Variants in RBKS observed in about 807,000 individuals in gnomAD.
The protein encoded by RBKS is ribokinase.
RBKS carries 33 observed loss-of-function variants against 33.9 expected under a neutral mutation model. The observed-to-expected ratio is 0.97, with a 90% CI of 0.74 to 1.30. The LOEUF is 1.30. Among genes scored for constraint, RBKS ranks in the 50% most tolerant of loss-of-function variants. The pLI is 0.00. For missense variants in RBKS, 361 were observed against 392.6 expected (o/e 0.92, Z 0.68); for synonymous variants, 125 against 143.0 (o/e 0.87, Z 0.90).
intron 7 of RBKS, among the ~76,000 whole-genome samples, chr2:27,785,677 G>A (rs1677384060): frequency 6.6e-6 from 1 of 151,494 alleles, no homozygotes; most frequent in Non-Finnish European, 1.5e-5. Context: ...GCAGAGAACT[G>A]CTTAAACCTG....
chr2:27,885,159 G>A (rs1420382237), intron 1 of RBKS, among the ~76,000 whole-genome samples: 5 of 151,944 alleles, frequency 3.3e-5, no homozygotes, highest in African/African-American at 7.3e-5. Context: ...AATCTTCTGC[G>A]TTTTCATAGA....
chr2:27,801,344 C>T (rs1677776264), intron 7 of RBKS, among the ~76,000 whole-genome samples: 1 of 152,026 alleles, frequency 6.6e-6, no homozygotes, highest in African/African-American at 2.4e-5. Context: ...TCATTTCATC[C>T]AGGGCATGCA....
In RBKS at chr2:27,784,045, G is replaced by A. The variant is rs1225544904; in HGVS notation, c.796-2257C>T. ...GTCGCCCAGGCTGGAGTGCAGTGGC[G>A]GGATCTCGGCTCACTGCAAGCTCCG... On this transcript the variant is annotated intron_variant, in intron 7 of 7. Coordinates refer to ENST00000302188, the MANE Select transcript of RBKS (RefSeq NM_022128.3). Among the ~76,000 whole-genome samples, 187 of 116,498 alleles carry A rather than the reference G, an allele frequency of 1.6e-3. 2 individuals are homozygous for A. Among genetic ancestry groups the A allele is most frequent in the African/African-American group, 5.7e-3 (172 of 30,250 alleles). 76.4% of individuals were successfully genotyped at this position (116,498 alleles called of 152,430 possible).
chr2:27,875,218 G>A (rs1664287683), intron 1 of RBKS, among the ~76,000 whole-genome samples: 1 of 152,122 alleles, frequency 6.6e-6, no homozygotes, highest in Non-Finnish European at 1.5e-5. Flanking sequence ...GAACTTTTAT[G>A]AAGGCAAATA....
chr2:27,794,589 T>C (rs1406629951), intron 7 of RBKS, among the ~76,000 whole-genome samples: 1 of 150,890 alleles, frequency 6.6e-6, no homozygotes, highest in Non-Finnish European at 1.5e-5. Flanking sequence ...CATGAAACAA[T>C]GAGAGGACTG....
chr2:27,876,107 C>T (rs1042432019), intron 1 of RBKS, among the ~76,000 whole-genome samples: 3 of 152,086 alleles, frequency 2.0e-5, no homozygotes, highest in African/African-American at 4.8e-5. Context: ...CATAGAATTA[C>T]CATATGATCC....
intron 7 of RBKS, among the ~76,000 whole-genome samples, chr2:27,784,008 G>T (rs1378999936): frequency 1.3e-5 from 1 of 74,520 alleles, no homozygotes; most frequent in African/African-American, 5.3e-5. Flanking sequence ...TTTTGAGACG[G>T]AGTCTCGCTC....
intron 7 of RBKS, among the ~76,000 whole-genome samples, chr2:27,794,654 G>A (rs1355324826): frequency 4.9e-5 from 7 of 141,670 alleles, no homozygotes; most frequent in African/African-American, 1.1e-4. Context: ...TGGAGTTTTC[G>A]CTCTTGTTGC....
intron 2 of RBKS, among the ~76,000 whole-genome samples, chr2:27,853,573 C>A (rs1663792626): frequency 6.6e-6 from 1 of 151,912 alleles, no homozygotes; most frequent in Non-Finnish European, 1.5e-5. Context: ...AGGAAGATCA[C>A]CTGAGCCCGG....
At chr2:27,869,074 T>C (rs1270194554) in intron 1 of RBKS, among the ~76,000 whole-genome samples, 1 of 152,192 alleles carries the variant, frequency 6.6e-6, no homozygotes, top group South Asian at 2.1e-4. Context: ...CATATCCATG[T>C]TCACCCAGTA....
At chr2:27,808,144 C>T (rs1259660416) in intron 7 of RBKS, among the ~76,000 whole-genome samples, 8 of 152,152 alleles carry the variant, frequency 5.3e-5, no homozygotes, top group Admixed American at 2.0e-4. Flanking sequence ...GATCAATAAG[C>T]GGTTGAGTGC....
At chr2:27,870,055 T>C (rs2337373) in intron 1 of RBKS, 98,988 of 152,196 alleles carry the variant, frequency 0.65, 33,979 homozygotes, top group Middle Eastern at 0.8. Flanking sequence ...CACAAATGGG[T>C]TGCAGATCCA....
rs141006748 is a variant in RBKS, at chr2:27,838,425, G to A, written c.514+4642C>T. On this transcript the variant is annotated intron_variant, in intron 5 of 7. Coordinates refer to ENST00000302188, the MANE Select transcript of RBKS (RefSeq NM_022128.3). ...AAGGAAAAAATTACATTAAAATTTA[G>A]GTACCAATTGCTAGAATAAGGAATT... is the stretch of plus-strand genomic sequence containing the variant. Among the ~76,000 whole-genome samples, 179 of 152,100 alleles carry A rather than the reference G, an allele frequency of 1.2e-3. 1 individual carries two copies. The highest frequency in any genetic ancestry group is 4.3e-3 in the African/African-American group (177 of 41,486).
chr2:27,800,976 C>T (rs556154224), intron 7 of RBKS, among the ~76,000 whole-genome samples: 17 of 152,210 alleles, frequency 1.1e-4, no homozygotes, highest in East Asian at 3.9e-4. Flanking sequence ...AGAGCTGGGG[C>T]GGGTAAGGCT....
At chr2:27,886,804 T>C (rs1401354037) in intron 1 of RBKS, among the ~76,000 whole-genome samples, 1 of 152,138 alleles carries the variant, frequency 6.6e-6, no homozygotes, top group African/African-American at 2.4e-5. Flanking sequence ...AGCCACTTAC[T>C]AGCCAGTAAG....
chr2:27,826,689 A>C (rs1678319863), intron 7 of RBKS, among the ~76,000 whole-genome samples: 1 of 152,202 alleles, frequency 6.6e-6, no homozygotes, highest in South Asian at 2.1e-4. Flanking sequence ...TACAAGTGTG[A>C]AGTGGCGCCT....
intron 1 of RBKS, among the ~76,000 whole-genome samples, chr2:27,865,552 A>G (rs1664083486): frequency 7.4e-6 from 1 of 134,722 alleles, no homozygotes; most frequent in African/African-American, 2.8e-5. Flanking sequence ...GTTATATTCT[A>G]CCTTCCCTTC....
chr2:27,849,123 T>C (rs1437319902), intron 2 of RBKS, among the ~76,000 whole-genome samples: 1 of 152,188 alleles, frequency 6.6e-6, no homozygotes, highest in Non-Finnish European at 1.5e-5. Flanking sequence ...AATAGCCTAA[T>C]GGAACCCTAA....
In RBKS at chr2:27,879,362, C is replaced by T. The variant is rs73923953; in HGVS notation, c.89+10895G>A. On this transcript the variant is annotated intron_variant, in intron 1 of 7. Coordinates refer to ENST00000302188, the MANE Select transcript of RBKS (RefSeq NM_022128.3). Reference sequence around the variant, plus strand: ...TGAAATTTAATTGCCAGTGAAATGGCACTGGGAGGTGAGACTTTTAAGTGG... The same window carrying T: ...TGAAATTTAATTGCCAGTGAAATGGTACTGGGAGGTGAGACTTTTAAGTGG... Among the ~76,000 whole-genome samples the T allele has an allele frequency of 5.6e-3, 847 of 152,260 alleles. 10 individuals carry two copies. The highest frequency in any genetic ancestry group is 0.018 in the African/African-American group (766 of 41,542).
Sources: allele counts gnomAD v4.1 joint callset (sites outside exome capture counted in the v4.1 genomes callset), GRCh38; gene constraint gnomAD v4.1.1; transcripts MANE v1.5; gene names NCBI Gene and HGNC (gene_info 2026-07-23, HGNC 2026-07-21).